The following DCC variants were observed in gnomAD, a reference collection of about 807,000 sequenced individuals.
DCC encodes the protein netrin receptor DCC.
DCC carries 58 observed loss-of-function variants against 172.5 expected under a neutral mutation model. That is an observed-to-expected ratio of 0.34 (90% CI 0.27 to 0.42). DCC has a LOEUF of 0.42. Ranked by LOEUF, DCC falls within the 10% of genes least tolerant of loss-of-function variation. The pLI, the probability that DCC is intolerant of heterozygous loss-of-function variation, is 1.00. For missense variants in DCC, 1,740 were observed against 1,791.0 expected, an observed-to-expected ratio of 0.97 and a Z score of 0.51; for synonymous variants, 709 against 644.5, an observed-to-expected ratio of 1.10 and a Z score of -1.52.
chr18:53,394,078 T>C (rs1908758425), intron 17 of DCC, among the ~76,000 whole-genome samples: 1 of 152,194 alleles, frequency 6.6e-6, no homozygotes, highest in East Asian at 1.9e-4. Flanking sequence ...CTTTACTTCA[T>C]CTCACTTCCA....
chr18:53,078,631 C>G (rs2042755734), intron 7 of DCC, among the ~76,000 whole-genome samples: 1 of 152,046 alleles, frequency 6.6e-6, no homozygotes, highest in Admixed American at 6.6e-5. Flanking sequence ...TTTAAAGTAT[C>G]TATTCAGAGT....
chr18:52,929,453 A>G (rs941961034), intron 5 of DCC, among the ~76,000 whole-genome samples: 2 of 152,176 alleles, frequency 1.3e-5, no homozygotes, highest in Non-Finnish European at 2.9e-5. Flanking sequence ...AGTCACTTAC[A>G]TAAAATAAAA....
chr18:53,508,139 C>T lies in DCC; in HGVS notation c.4111+8629C>T, dbSNP rs182152421. On this transcript the variant is annotated intron_variant, in intron 27 of 28. Coordinates refer to ENST00000442544, the MANE Select transcript of DCC (RefSeq NM_005215.4). ...CGATCTCCTGACCTTGTGATCTGCC[C>T]GCCTCGGCCTCCCAAAGTGCTGGGA... Among the ~76,000 whole-genome samples, 557 of 152,036 alleles carry T rather than the reference C, an allele frequency of 3.7e-3. 1 individual carries two copies. Among genetic ancestry groups the T allele is most frequent in the African/African-American group, 0.01 (431 of 41,494 alleles).
At chr18:53,291,168 G>GA (rs906236372) in intron 12 of DCC, among the ~76,000 whole-genome samples, 52 of 143,124 alleles carry the variant, frequency 3.6e-4, no homozygotes, top group African/African-American at 1.1e-3. Flanking sequence ...ACTGCATTTC[G>GA]AAAAAAAAAA....
At chr18:53,334,380 CT>C (rs1036137660) in intron 14 of DCC, among the ~76,000 whole-genome samples, 6 of 152,094 alleles carry the variant, frequency 3.9e-5, no homozygotes. Context: ...GTGACTCACT[CT>C]TTTTTTTCTG....
chr18:52,623,762 G>A (rs184011656), intron 1 of DCC, among the ~76,000 whole-genome samples: 10 of 151,622 alleles, frequency 6.6e-5, no homozygotes, highest in Admixed American at 4.6e-4. Context: ...TTCAACTTTT[G>A]CCTCACCTTC....
At chr18:52,881,063 G>C (rs1409363530) in intron 2 of DCC, among the ~76,000 whole-genome samples, 3 of 152,108 alleles carry the variant, frequency 2.0e-5, no homozygotes, top group African/African-American at 7.2e-5. Context: ...TAACTGAGGA[G>C]AGATGATATC....
In DCC at chr18:53,063,392, C is replaced by T; in HGVS notation, c.1073C>T (p.Pro358Leu). The stretch of plus-strand genomic sequence containing the variant: ...TTTGAATGTACAGTCTCTGGAAAGC[C>T]TGTGCCCACTGTGAATTGGATGAAG... ...IEFECTVSGK[P>L]VPTVNWMKNG... is the part of the protein sequence containing the mutation. The change falls in exon 6 of 29, where the codon CCT (proline) becomes CTT (leucine). Residue 358 changes from proline (P) to leucine (L), a missense_variant. This residue lies in a region of DCC where 1,732 missense variants were observed against 1,767.4 expected (regional missense o/e 0.98). Coordinates refer to ENST00000442544, the MANE Select transcript of DCC (RefSeq NM_005215.4). 6.2e-7 allele frequency: 1 copy of T among 1,612,384 alleles called. No homozygotes were observed. Among genetic ancestry groups the T allele is most frequent in the Non-Finnish European group, 8.5e-7 (1 of 1,178,676 alleles).
At chr18:53,222,212 T>C (rs1383650821) in intron 12 of DCC, among the ~76,000 whole-genome samples, 1 of 152,146 alleles carries the variant, frequency 6.6e-6, no homozygotes, top group Non-Finnish European at 1.5e-5. Flanking sequence ...CATAAATGCA[T>C]CATTCCAACT....
At chr18:52,451,282 A>C (rs183712052) in intron 1 of DCC, among the ~76,000 whole-genome samples, 19 of 152,312 alleles carry the variant, frequency 1.2e-4, no homozygotes, top group African/African-American at 4.6e-4. Flanking sequence ...AAGCTTGGTT[A>C]TCTTGTTTCC....
chr18:52,524,204 A>C (rs1347192010), intron 1 of DCC, among the ~76,000 whole-genome samples: 2 of 152,232 alleles, frequency 1.3e-5, no homozygotes, highest in Non-Finnish European at 2.9e-5. Flanking sequence ...TTAAGACAAA[A>C]AATTCCTAAA....
chr18:52,610,151 TAAAAAAAAAAAAAAAAAAAA>T (rs1171109968), intron 1 of DCC, among the ~76,000 whole-genome samples: 9 of 19,064 alleles, frequency 4.7e-4, no homozygotes, highest in African/African-American at 1.8e-3. Flanking sequence ...CCATCTCTCA[TAAAAAAAAAAAAAAAAAAAA>T]AAAAAAAATA....
intron 7 of DCC, among the ~76,000 whole-genome samples, chr18:53,075,081 TC>T (rs11299173): frequency 0.097 from 14,726 of 152,168 alleles, 1,022 homozygotes; most frequent in East Asian, 0.36. Context: ...ATAGCTTTCT[TC>T]TAGCATATTT....
chr18:52,959,335 G>T (rs974436450), intron 5 of DCC, among the ~76,000 whole-genome samples: 2 of 152,122 alleles, frequency 1.3e-5, no homozygotes, highest in African/African-American at 4.8e-5. Flanking sequence ...AATTGTTCAT[G>T]TTAACTCAAA....
chr18:53,326,642 C>G (rs1484463592), intron 14 of DCC, among the ~76,000 whole-genome samples: 1 of 152,168 alleles, frequency 6.6e-6, no homozygotes, highest in Middle Eastern at 3.2e-3. Context: ...ATATTCATCT[C>G]ATTTTAATGT....
At chr18:52,586,000 G>A (rs1942101) in intron 1 of DCC, among the ~76,000 whole-genome samples, 10,322 of 149,116 alleles carry the variant, frequency 0.069, 448 homozygotes, top group Middle Eastern at 0.1. Context: ...GGAGAATGGC[G>A]TGAACCCAGG....
At chr18:52,828,860 T>G (rs1487863031) in intron 2 of DCC, among the ~76,000 whole-genome samples, 1 of 152,238 alleles carries the variant, frequency 6.6e-6, no homozygotes, top group African/African-American at 2.4e-5. Flanking sequence ...TGTAAATGTT[T>G]TCCCACTTAC....
chr18:52,558,233 T>C (rs1440842324), intron 1 of DCC, among the ~76,000 whole-genome samples: 5 of 151,680 alleles, frequency 3.3e-5, no homozygotes, highest in Non-Finnish European at 7.4e-5. Context: ...TTAGTGTAAA[T>C]AACATTTATT....
chr18:53,050,457 C>A (rs1374522663), intron 5 of DCC, among the ~76,000 whole-genome samples: 1 of 151,950 alleles, frequency 6.6e-6, no homozygotes, highest in African/African-American at 2.4e-5. Context: ...CTTTCAGCAG[C>A]GATTTGTAAT....
Sources: gnomAD v4.1 joint callset for allele counts (sites outside exome capture counted in the v4.1 genomes callset) on GRCh38, gnomAD v4.1.1 for gene constraint, gnomAD v4.1.1 regional missense constraint, MANE v1.5 for transcripts, NCBI Gene and HGNC (gene_info 2026-07-23, HGNC 2026-07-21) for gene names.